Variants in DNAH9 observed in about 807,000 individuals in gnomAD.
The protein encoded by DNAH9 is DNAH9 variant protein.
Under a neutral mutation model 471.6 loss-of-function variants are expected in DNAH9, and 345 were observed. The ratio of observed to expected loss-of-function variants is 0.73; its 90% CI spans 0.67 to 0.80. The LOEUF (loss-of-function observed/expected upper bound fraction) is 0.80, where lower values mean the gene tolerates loss of function less well. DNAH9 is among the 30% of genes least tolerant of loss of function. The pLI, the probability that DNAH9 is intolerant of heterozygous loss-of-function variation, is 0.00. For synonymous variants in DNAH9, 2,093 were observed against 2,123.6 expected (o/e 0.99, Z 0.40); for missense variants, 5,407 against 5,609.2 (o/e 0.96, Z 1.15).
intron 38 of DNAH9, among the ~76,000 whole-genome samples, chr17:11,778,174 A>C (rs1217088726): frequency 6.6e-6 from 1 of 151,842 alleles, no homozygotes; most frequent in East Asian, 1.9e-4. Context: ...CAGCCAGAGC[A>C]AAGCCATGGG....
chr17:11,869,469 A>C (rs898032993), intron 51 of DNAH9, among the ~76,000 whole-genome samples: 4 of 152,196 alleles, frequency 2.6e-5, no homozygotes, highest in African/African-American at 9.6e-5. Flanking sequence ...GGTTGGGAGG[A>C]TGGGAGCACT....
intron 29 of DNAH9, among the ~76,000 whole-genome samples, chr17:11,740,518 A>G (rs1567764304): frequency 6.6e-6 from 1 of 152,138 alleles, no homozygotes; most frequent in Non-Finnish European, 1.5e-5. Flanking sequence ...CTCATGACCT[A>G]ATGACCTTCC....
intron 49 of DNAH9, among the ~76,000 whole-genome samples, chr17:11,843,890 T>TATATATATATATATATATATATATATAC (rs1389217941): frequency 7.9e-6 from 1 of 127,230 alleles, no homozygotes; most frequent in African/African-American, 3.1e-5. Flanking sequence ...TATATATATA[T>TATATATATATATATATATATATATATAC]ACACATAGAG....
intron 32 of DNAH9, among the ~76,000 whole-genome samples, chr17:11,751,379 T>C (rs1303333705): frequency 6.6e-6 from 1 of 151,906 alleles, no homozygotes; most frequent in Non-Finnish European, 1.5e-5. Flanking sequence ...GTAAGGAGAA[T>C]CAAACAGTAT....
intron 20 of DNAH9, among the ~76,000 whole-genome samples, chr17:11,692,093 GC>G (rs1441912614): frequency 6.6e-6 from 1 of 152,130 alleles, no homozygotes; most frequent in Non-Finnish European, 1.5e-5. Flanking sequence ...GAGCCACTGT[GC>G]CCAGCCTACC....
chr17:11,812,713 G>T (rs1426738009), intron 45 of DNAH9, among the ~76,000 whole-genome samples: 2 of 152,020 alleles, frequency 1.3e-5, no homozygotes, highest in Non-Finnish European at 2.9e-5. Context: ...GTTCAAGTTA[G>T]CTTTATATCA....
At chr17:11,748,529 C>T (rs901199919) in intron 32 of DNAH9, among the ~76,000 whole-genome samples, 2 of 152,084 alleles carry the variant, frequency 1.3e-5, no homozygotes, top group African/African-American at 2.4e-5. Context: ...TGATGTTGCC[C>T]CAGCAGTGAT....
chr17:11,958,572 G>A (rs944931177), intron 67 of DNAH9, among the ~76,000 whole-genome samples: 1 of 152,152 alleles, frequency 6.6e-6, no homozygotes, highest in Non-Finnish European at 1.5e-5. Flanking sequence ...TACGGACTCT[G>A]AGTGATAATG....
chr17:11,602,346 A>C lies in DNAH9; in HGVS notation c.417+3431A>C, dbSNP rs1597606572. Among the ~76,000 whole-genome samples the C allele has an allele frequency of 2.0e-5, 3 of 152,140 alleles. No homozygotes were observed. The East Asian group carries it at 5.8e-4, about 29-fold the overall frequency. On this transcript the variant is annotated intron_variant, in intron 1 of 68. Coordinates refer to ENST00000262442, the MANE Select transcript of DNAH9 (RefSeq NM_001372.4). ...AGGATGAGAATTCTTGTCACTCTTC[A>C]TCCTATTTAAAATCCTCCTCACCCA...
intron 61 of DNAH9, among the ~76,000 whole-genome samples, chr17:11,910,641 A>G (rs1973764765): frequency 1.3e-5 from 2 of 152,340 alleles, no homozygotes; most frequent in South Asian, 4.1e-4. Context: ...ACTGTTTTCC[A>G]AAACAGATGC....
At chr17:11,672,141 T>A (rs2150731634) in intron 17 of DNAH9, among the ~76,000 whole-genome samples, 1 of 152,366 alleles carries the variant, frequency 6.6e-6, no homozygotes, top group East Asian at 1.9e-4. Flanking sequence ...TCCCACCTTA[T>A]GTTGCATTTT....
rs1299224236 is a variant in DNAH9 at position 11,704,183 on chromosome 17, G to A, written c.5152-20G>A. The A allele has an allele frequency of 6.2e-7, 1 of 1,613,776 alleles. No individual in the cohort carries two copies. The highest frequency in any genetic ancestry group is 8.5e-7 in the Non-Finnish European group (1 of 1,179,856). The stretch of plus-strand genomic sequence containing the variant: ...AACAGCCATGATAACAGCTTTACTA[G>A]GCAACTCTTGCTGCCACAGGTGGCC... On this transcript the variant is annotated intron_variant, in intron 24 of 68. Transcript: ENST00000262442.
intron 42 of DNAH9, among the ~76,000 whole-genome samples, chr17:11,795,690 T>C (rs759023128): frequency 3.3e-5 from 5 of 152,248 alleles, no homozygotes; most frequent in Non-Finnish European, 7.3e-5. Flanking sequence ...CAGGTATTCA[T>C]TGTTGGCCTG....
chr17:11,634,979 C>T (rs1483837445), intron 8 of DNAH9, among the ~76,000 whole-genome samples: 2 of 152,174 alleles, frequency 1.3e-5, no homozygotes, highest in South Asian at 4.1e-4. Context: ...AGGTCTTAGA[C>T]AAATGCAGAC....
intron 8 of DNAH9, among the ~76,000 whole-genome samples, chr17:11,635,046 T>G (rs1056782496): frequency 1.3e-5 from 2 of 152,234 alleles, no homozygotes; most frequent in Non-Finnish European, 2.9e-5. Context: ...GTTTCTCATG[T>G]TCGTTGACTT....
intron 19 of DNAH9, among the ~76,000 whole-genome samples, chr17:11,686,662 G>T (rs553979948): frequency 8.5e-5 from 13 of 152,118 alleles, no homozygotes; most frequent in Non-Finnish European, 1.5e-4. Flanking sequence ...AAATTATGCC[G>T]CAGGGTGGAT....
chr17:11,906,274 T>G (rs549960313), intron 61 of DNAH9, among the ~76,000 whole-genome samples: 1 of 152,296 alleles, frequency 6.6e-6, no homozygotes, highest in South Asian at 2.1e-4. Flanking sequence ...GCAGCACTAT[T>G]CACAATAGTA....
chr17:11,787,682 C>T (rs953317588), intron 41 of DNAH9, among the ~76,000 whole-genome samples: 2 of 152,198 alleles, frequency 1.3e-5, no homozygotes, highest in African/African-American at 4.8e-5. Flanking sequence ...ACCCAAATCT[C>T]ATCTTGAATT....
intron 26 of DNAH9, among the ~76,000 whole-genome samples, chr17:11,708,032 G>C (rs976020098): frequency 6.1e-4 from 87 of 143,202 alleles, no homozygotes; most frequent in African/African-American, 2.4e-3. Flanking sequence ...GAGAGAGAGA[G>C]AGAGAGAGAG....
Sources: gnomAD v4.1 joint callset for allele counts (sites outside exome capture counted in the v4.1 genomes callset) on GRCh38, gnomAD v4.1.1 for gene constraint, MANE v1.5 for transcripts, NCBI Gene and HGNC (gene_info 2026-07-23, HGNC 2026-07-21) for gene names.